Variants in TMEM132E observed in about 807,000 individuals in gnomAD.
The protein encoded by TMEM132E is transmembrane protein 132E.
Under a neutral mutation model 78.5 loss-of-function variants are expected in TMEM132E, and 49 were observed. The observed-to-expected ratio is 0.62, with a 90% CI of 0.50 to 0.79. The LOEUF is 0.79. Among genes scored for constraint, TMEM132E ranks in the 30% least tolerant of loss-of-function variants. The pLI is 0.00. For synonymous variants in TMEM132E, 715 were observed against 670.6 expected, an observed-to-expected ratio of 1.07 and a Z score of -1.02; for missense variants, 1,403 against 1,470.9, an observed-to-expected ratio of 0.95 and a Z score of 0.75.
intron 1 of TMEM132E, among the ~76,000 whole-genome samples, chr17:34,605,589 T>A (rs1265374030): frequency 6.6e-6 from 1 of 152,170 alleles, no homozygotes; most frequent in Non-Finnish European, 1.5e-5. Flanking sequence ...GAGGTTATCC[T>A]TCAAAGCCCC....
intron 1 of TMEM132E, among the ~76,000 whole-genome samples, chr17:34,605,279 CG>C (rs1285899229): frequency 2.6e-5 from 4 of 152,164 alleles, no homozygotes; most frequent in African/African-American, 9.7e-5. Context: ...CGGAACCATG[CG>C]GTGCTTCAAA....
At chr17:34,637,155 C>T (rs769828087) in intron 8 of TMEM132E, 22 bp from the exon 9 acceptor site, 2 of 1,578,510 alleles carry the variant, frequency 1.3e-6, no homozygotes, top group Admixed American at 3.4e-5. Context: ...ACTCCTATCC[C>T]CTCCTTCTCC....
intron 7 of TMEM132E, 162 bp from the exon 8 acceptor site, chr17:34,635,845 T>C: frequency 1.7e-6 from 1 of 588,764 alleles, no homozygotes; most frequent in South Asian, 5.5e-5. Flanking sequence ...CACTGGTTCC[T>C]GGTTGCAGAC....
chr17:34,635,184 C>CCTTGCCTGCCCCTTGT, intron 7 of TMEM132E, 97 bp downstream of exon 7: 2 of 1,343,762 alleles, frequency 1.5e-6, no homozygotes, highest in Non-Finnish European at 2.0e-6. Context: ...CAACTGGCCC[C>CCTTGCCTGCCCCTTGT]CAGAACACTC....
In TMEM132E at chr17:34,630,114, T is replaced by C; in HGVS notation, c.1445T>C (p.Leu482Pro). The C allele has an allele frequency of 6.2e-7, 1 of 1,613,260 alleles. No individual in the cohort carries two copies. The highest frequency in any genetic ancestry group is 8.5e-7 in the Non-Finnish European group (1 of 1,179,346). Residue 482 changes from leucine (L) to proline (P), a missense_variant, in exon 5 of 9, where the codon CTA becomes CCA. Physicochemically the swap from Leu to Pro is moderately conservative, Grantham distance 98. Around this residue, in one of 3 missense-constraint regions of TMEM132E, gnomAD observed 888 missense variants for 952.8 expected, o/e 0.93. Coordinates refer to ENST00000631683, the MANE Select transcript of TMEM132E (RefSeq NM_001304438.2). ...GGCCTCGTCCTGGACATCTCCGCCC[T>C]AGTGGAATGCGAGTCTGACAATGAA... is the stretch of plus-strand genomic sequence containing the variant. ...VNGLVLDISALVECESDNEDI... is the reference protein window; with the variant it reads ...VNGLVLDISAPVECESDNEDI...
chr17:34,623,398 C>T (rs1436637613), intron 1 of TMEM132E, among the ~76,000 whole-genome samples: 1 of 19,660 alleles, frequency 5.1e-5, no homozygotes, highest in South Asian at 5.0e-3. Context: ...GGCTAGTACC[C>T]GCTCCCCCCC....
rs1268615251 is a variant in TMEM132E, at chr17:34,626,527, C to T, written c.468C>T (p.Phe156=). 1 of 1,602,548 alleles carries T rather than the reference C, an allele frequency of 6.2e-7. No individual in the cohort carries two copies. The highest frequency in any genetic ancestry group is 8.5e-7 in the Non-Finnish European group (1 of 1,177,356). The stretch of plus-strand genomic sequence containing the variant: ...TAGCCGGCCGGGACTGGGACGACTT[C>T]GGCGTCACCGAGCGGCTGCCCTGTG... The part of the protein sequence containing the change: ...FYVAGRDWDD[F]GVTERLPCVR... The change falls in exon 2 of 9, where the codon TTC becomes TTT. Residue 156 remains phenylalanine (F), a synonymous_variant. Coordinates refer to ENST00000631683, the MANE Select transcript of TMEM132E (RefSeq NM_001304438.2).
At chr17:34,630,811 C>T (rs73988747) in intron 5 of TMEM132E, among the ~76,000 whole-genome samples, 7,078 of 152,218 alleles carry the variant, frequency 0.046, 259 homozygotes, top group African/African-American at 0.1. Context: ...TTCCCAGGGA[C>T]CTGCTTTGGC....
chr17:34,628,535 C>T (rs201064450), intron 2 of TMEM132E, 28 bp from the exon 3 acceptor site: 1 of 1,612,764 alleles, frequency 6.2e-7, no homozygotes, highest in Non-Finnish European at 8.5e-7. Flanking sequence ...CTGACCCTCT[C>T]CCTCTTCTTC....
At chr17:34,585,550 A>G (rs1280577155) in intron 1 of TMEM132E, among the ~76,000 whole-genome samples, 1 of 152,200 alleles carries the variant, frequency 6.6e-6, no homozygotes, top group African/African-American at 2.4e-5. Context: ...AAATGGACAC[A>G]CAGGGAAGGG....
chr17:34,634,550 G>T (rs1907451299), intron 6 of TMEM132E, among the ~76,000 whole-genome samples: 1 of 152,236 alleles, frequency 6.6e-6, no homozygotes, highest in South Asian at 2.1e-4. Flanking sequence ...CTATTCCTAG[G>T]CTTGGCTTAA....
chr17:34,612,559 C>T (rs1219079649), intron 1 of TMEM132E, among the ~76,000 whole-genome samples: 1 of 152,194 alleles, frequency 6.6e-6, no homozygotes, highest in Non-Finnish European at 1.5e-5. Flanking sequence ...TTTTCTAGGC[C>T]TCAGTTAAAA....
intron 1 of TMEM132E, among the ~76,000 whole-genome samples, chr17:34,600,066 CT>C (rs1906186444): frequency 6.6e-6 from 1 of 152,192 alleles, no homozygotes; most frequent in East Asian, 1.9e-4. Flanking sequence ...TAGGTATGTC[CT>C]ATTTTTAAAT....
rs563516444 is a variant in TMEM132E at position 34,586,187 on chromosome 17, C to G, written c.67+5044C>G. Among the ~76,000 whole-genome samples, 11 of 152,266 alleles carry G rather than the reference C, an allele frequency of 7.2e-5. No individual in the cohort carries two copies. The South Asian group carries it at 2.1e-3, about 29-fold the overall frequency. On this transcript the variant is annotated intron_variant, in intron 1 of 8. Transcript: ENST00000631683. ...AGCCGATGCTAACAAGTGGAAGAAT[C>G]GTATTCTTCCTCCCCGTTTCCTCCC...
intron 2 of TMEM132E, among the ~76,000 whole-genome samples, chr17:34,627,697 G>A (rs1907206276): frequency 6.6e-6 from 1 of 152,110 alleles, no homozygotes; most frequent in Non-Finnish European, 1.5e-5. Context: ...GTGTGACTCT[G>A]AGGACACCCA....
intron 1 of TMEM132E, among the ~76,000 whole-genome samples, chr17:34,599,125 A>C (rs1450299376): frequency 2.6e-5 from 4 of 152,212 alleles, no homozygotes; most frequent in Non-Finnish European, 5.9e-5. Context: ...AACCTTAGGC[A>C]AAACCTTGCA....
At chr17:34,620,641 G>A (rs1906929131) in intron 1 of TMEM132E, among the ~76,000 whole-genome samples, 1 of 152,272 alleles carries the variant, frequency 6.6e-6, no homozygotes, top group Non-Finnish European at 1.5e-5. Flanking sequence ...AGTGACTAAT[G>A]AGAGAGTTCC....
chr17:34,586,058 C>T (rs994479614), intron 1 of TMEM132E, among the ~76,000 whole-genome samples: 2 of 152,126 alleles, frequency 1.3e-5, no homozygotes, highest in East Asian at 3.9e-4. Context: ...CCTCCCAACT[C>T]TTTTGTTCTA....
rs1303628399 is a variant in TMEM132E, at chr17:34,638,253, G to T, written c.*21G>T. The T allele has an allele frequency of 6.7e-7, 1 of 1,483,502 alleles. No individual in the cohort carries two copies. 91.9% of individuals were successfully genotyped at this position (1,483,502 alleles called of 1,614,324 possible). A position where few individuals can be genotyped will look rare whatever the true frequency, so the allele number is the denominator to read the frequency against. ...CATAGAGGCGCCAGCCGGAGTAGCA[G>T]GGACCCCCCCCCCCAACGGGGTCAG... On this transcript the variant is annotated 3_prime_UTR_variant, in exon 9 of 9. Transcript: ENST00000631683.
Sources: allele counts gnomAD v4.1 joint callset (sites outside exome capture counted in the v4.1 genomes callset), GRCh38; gene constraint gnomAD v4.1.1; regional missense constraint gnomAD v4.1.1; transcripts MANE v1.5; gene names NCBI Gene and HGNC (gene_info 2026-07-23, HGNC 2026-07-21).